The following ARFIP2 variants were observed in gnomAD, a reference collection of about 807,000 sequenced individuals.
ARFIP2 encodes arfaptin-2.
ARFIP2 carries 14 observed loss-of-function variants against 39.2 expected under a neutral mutation model. The ratio of observed to expected loss-of-function variants is 0.36; its 90% CI spans 0.24 to 0.56. The LOEUF (loss-of-function observed/expected upper bound fraction) is 0.56, where lower values mean the gene tolerates loss of function less well. Ranked by LOEUF, ARFIP2 falls within the 20% of genes least tolerant of loss-of-function variation. The pLI is 0.85. For missense variants in ARFIP2, 305 were observed against 422.5 expected (o/e 0.72, Z 2.44); for synonymous variants, 167 against 172.4 (o/e 0.97, Z 0.24).
Position 6,477,212 on chromosome 11 carries a change from A to G in ARFIP2, c.927T>C (p.Phe309=). 6.2e-7 allele frequency: 1 copy of G among 1,613,640 alleles called. No homozygotes were observed. The highest frequency in any genetic ancestry group is 8.5e-7 in the Non-Finnish European group (1 of 1,179,830). Reference sequence around the variant, plus strand: ...GCTCCAGCTGTTTCTGGTTCCCAGCAAAGTAGGCGGACACAGCATTGTGGA... The same window carrying G: ...GCTCCAGCTGTTTCTGGTTCCCAGCGAAGTAGGCGGACACAGCATTGTGGA... ...LLFHNAVSAY[F]AGNQKQLEQT... The change falls in exon 8 of 8, where the codon TTT becomes TTC. Residue 309 remains phenylalanine (F), a synonymous_variant. Coordinates refer to ENST00000396777, the MANE Select transcript of ARFIP2 (RefSeq NM_001376558.2). The surrounding 1 kb of genome is among the most constrained non-coding windows in gnomAD (Gnocchi z 4.8).
intron 1 of ARFIP2, 79 bp from the exon 2 acceptor site, chr11:6,480,542 G>C (rs1403620024): frequency 1.4e-6 from 1 of 720,430 alleles, no homozygotes; most frequent in African/African-American, 1.8e-5. Context: ...TTTCTTTAAA[G>C]GCTGTCCCAG....
rs1851166222 is a variant in ARFIP2 at position 6,477,193 on chromosome 11, G to T, written c.946C>A (p.Leu316Met). 1.2e-6 allele frequency: 2 copies of T among 1,613,074 alleles called. No homozygotes were observed. The highest frequency in any genetic ancestry group is 2.2e-5 in the South Asian group (2 of 90,730). ...SAYFAGNQKQ[L>M]EQTLQQFNIK... ...TTGAACTGCTGCAGGGTCTGCTCCA[G>T]CTGTTTCTGGTTCCCAGCAAAGTAG... The change falls in exon 8 of 8, where the codon CTG (leucine) becomes ATG (methionine). Residue 316 changes from leucine to methionine, a missense_variant. Physicochemically the swap from Leu to Met is conservative, Grantham distance 15 (BLOSUM62 2). Around this residue, in one of 3 missense-constraint regions of ARFIP2, gnomAD observed 112 missense variants for 118.2 expected, o/e 0.95. Coordinates refer to ENST00000396777, the MANE Select transcript of ARFIP2 (RefSeq NM_001376558.2). This position sits in a 1 kb window ranked among gnomAD's most constrained non-coding sequence, Gnocchi z 4.8.
chr11:6,479,998 C>G lies in ARFIP2; in HGVS notation c.170G>C (p.Gly57Ala). The G allele has an allele frequency of 6.2e-7, 1 of 1,614,144 alleles. No homozygotes were observed. The highest frequency in any genetic ancestry group is 1.3e-5 in the African/African-American group (1 of 75,020). The change falls in exon 3 of 8, where the codon GGC becomes GCC. Residue 57 changes from glycine (G) to alanine (A), a missense_variant. Gly to Ala is a moderately conservative substitution (Grantham distance 60, BLOSUM62 0). Coordinates refer to ENST00000396777, the MANE Select transcript of ARFIP2 (RefSeq NM_001376558.2). ...ETSIVSGGYG[G>A]SGDGLIPTGS... is the part of the protein sequence containing the mutation. ...TGTGGGGATGAGTCCATCACCAGAG[C>G]CCCCATAGCCACCAGACACAATGCT...
Position 6,478,287 on chromosome 11 carries a change from G to A in ARFIP2, c.538-89C>T, listed in dbSNP as rs1270134290. The A allele has an allele frequency of 1.3e-6, 2 of 1,492,510 alleles. No homozygotes were observed. The highest frequency in any genetic ancestry group is 1.2e-5 in the South Asian group (1 of 81,586). The allele number at this position is 1,492,510 out of a possible 1,614,324, so 92.5% of individuals were successfully genotyped here. ...CCTTCATTCCCCTCCTCCCCGGGGA[G>A]GACACAGCCAGCAAAACTGGAACAA... On this transcript the variant is annotated intron_variant, in intron 5 of 7. Coordinates refer to ENST00000396777, the MANE Select transcript of ARFIP2 (RefSeq NM_001376558.2). This position sits in a 1 kb window ranked among gnomAD's most constrained non-coding sequence, Gnocchi z 4.8.
rs1029444619 is a variant in ARFIP2, at chr11:6,476,741, G to T, written c.*372C>A. On this transcript the variant is annotated 3_prime_UTR_variant, in exon 8 of 8. Coordinates refer to ENST00000396777, the MANE Select transcript of ARFIP2 (RefSeq NM_001376558.2). ...GACGCAACATCATTGGCCCAGGGGA[G>T]TCCGAGAAGAGCTGCCATTGGCTGA... is the stretch of plus-strand genomic sequence containing the variant. 5 of 231,332 alleles carry T rather than the reference G, an allele frequency of 2.2e-5. No individual in the cohort carries two copies. In the South Asian group the frequency reaches 3.4e-4, roughly 16 times the overall value. The allele number at this position is 231,332 out of a possible 1,614,324, so 14.3% of individuals were successfully genotyped here.
rs1321398906 is a variant in ARFIP2 at position 6,478,554 on chromosome 11, C to A, written c.537+184G>T. On this transcript the variant is annotated intron_variant, in intron 5 of 7. Coordinates refer to ENST00000396777, the MANE Select transcript of ARFIP2 (RefSeq NM_001376558.2). This position sits in a 1 kb window ranked among gnomAD's most constrained non-coding sequence, Gnocchi z 4.8. ...TAGTGTGCCCCCTCCCCCACCCCCT[C>A]CAACTTCTGGACCTCTGTACAAACC... The A allele has an allele frequency of 7.0e-7, 1 of 1,434,636 alleles. No individual in the cohort carries two copies. The highest frequency in any genetic ancestry group is 9.1e-7 in the Non-Finnish European group (1 of 1,097,986). 88.9% of individuals were successfully genotyped at this position (1,434,636 alleles called of 1,614,324 possible). A position where few individuals can be genotyped will look rare whatever the true frequency, so the allele number is the denominator to read the frequency against.
In ARFIP2 at chr11:6,477,906, G is replaced by A. The variant is rs752902936; in HGVS notation, c.696-14C>T. The A allele has an allele frequency of 1.3e-5, 21 of 1,613,050 alleles. No homozygotes were observed. The highest frequency in any genetic ancestry group is 1.6e-5 in the Non-Finnish European group (19 of 1,179,454). On this transcript the variant is annotated splice_polypyrimidine_tract_variant and intron_variant, in intron 6 of 7. Coordinates refer to ENST00000396777, the MANE Select transcript of ARFIP2 (RefSeq NM_001376558.2). The surrounding 1 kb of genome is among the most constrained non-coding windows in gnomAD (Gnocchi z 4.8). ...TCATATTCCAGCCTGGGGAGGGGGT[G>A]ATAAAGGCTGGTCTCCACTCCTTTA...
Position 6,479,125 on chromosome 11 carries a change from G to C in ARFIP2, c.315+15C>G. 6.2e-7 allele frequency: 1 copy of C among 1,612,326 alleles called. No individual in the cohort carries two copies. The highest frequency in any genetic ancestry group is 8.5e-7 in the Non-Finnish European group (1 of 1,178,534). On this transcript the variant is annotated intron_variant, in intron 4 of 7. Coordinates refer to ENST00000396777, the MANE Select transcript of ARFIP2 (RefSeq NM_001376558.2). ...ATAAGGAGTTTTGGGGAAGGGAGAG[G>C]TGCTTAAATCCTACCTTATAGGTGT...
intron 3 of ARFIP2, chr11:6,479,500 G>T: frequency 3.0e-6 from 2 of 663,226 alleles, no homozygotes; most frequent in South Asian, 3.9e-5. Context: ...TGGTGTACAG[G>T]GGCAGAGGAA....
intron 2 of ARFIP2, 121 bp downstream of exon 2, chr11:6,480,202 G>A (rs148577248): frequency 2.6e-5 from 33 of 1,274,180 alleles, no homozygotes; most frequent in South Asian, 1.5e-4. Flanking sequence ...AAAATGATAC[G>A]TAAAAAGAAT....
At position 6,480,432 on chromosome 11, in the gene ARFIP2, GGTATTGGA is replaced by G. The variant is rs1564985577; in HGVS notation, c.-19_-12del. On this transcript the variant is annotated 5_prime_UTR_variant, in exon 2 of 8. Transcript: ENST00000396777. ...GATCCCGTCCGTCATGGCTAGGAAA[GGTATTGGA>G]GTAAAACTCTCCACCCCAGCACCCT... 8 of 1,602,808 alleles carry G rather than the reference GGTATTGGA, an allele frequency of 5.0e-6. No individual in the cohort carries two copies. The highest frequency in any genetic ancestry group is 6.8e-6 in the Non-Finnish European group (8 of 1,174,648).
intron 2 of ARFIP2, 110 bp from the exon 3 acceptor site, chr11:6,480,178 G>C: frequency 7.8e-7 from 1 of 1,282,420 alleles, no homozygotes; most frequent in Non-Finnish European, 1.1e-6. Flanking sequence ...CACAAGGGAA[G>C]TCTGCACAGA....
At chr11:6,480,659 T>C (rs867641945) in intron 1 of ARFIP2, 196 bp from the exon 2 acceptor site, 4 of 455,038 alleles carry the variant, frequency 8.8e-6, no homozygotes, top group East Asian at 4.0e-5. Context: ...CGGTGTCTTC[T>C]CACAAGCCCC....
In ARFIP2 at chr11:6,477,180, A is replaced by G. The variant is rs1851164223; in HGVS notation, c.959T>C (p.Leu320Pro). The change falls in exon 8 of 8, where the codon CTG becomes CCG. Residue 320 changes from leucine (L) to proline (P), a missense_variant. Physicochemically the swap from Leu to Pro is moderately conservative, Grantham distance 98. Around this residue, in one of 3 missense-constraint regions of ARFIP2, gnomAD observed 112 missense variants for 118.2 expected, o/e 0.95. Coordinates refer to ENST00000396777, the MANE Select transcript of ARFIP2 (RefSeq NM_001376558.2). The surrounding 1 kb of genome is among the most constrained non-coding windows in gnomAD (Gnocchi z 4.8). ...CCGCAGCTTGATGTTGAACTGCTGC[A>G]GGGTCTGCTCCAGCTGTTTCTGGTT... ...AGNQKQLEQTLQQFNIKLRPP... is the reference protein window; with the variant it reads ...AGNQKQLEQTPQQFNIKLRPP... 1 of 1,612,688 alleles carries G rather than the reference A, an allele frequency of 6.2e-7. No individual in the cohort carries two copies.
rs1195211445 is a variant in ARFIP2 at position 6,478,725 on chromosome 11, C to T, written c.537+13G>A. ...GCCCAGTTCCCCCACCCTCTTTGGT[C>T]TGGGTGAGGCACCTGAAGCTCTGGG... On this transcript the variant is annotated intron_variant, in intron 5 of 7. Coordinates refer to ENST00000396777, the MANE Select transcript of ARFIP2 (RefSeq NM_001376558.2). This position sits in a 1 kb window ranked among gnomAD's most constrained non-coding sequence, Gnocchi z 4.8. 6.2e-7 allele frequency: 1 copy of T among 1,604,706 alleles called. No individual in the cohort carries two copies. The highest frequency in any genetic ancestry group is 8.5e-7 in the Non-Finnish European group (1 of 1,172,786).
intron 3 of ARFIP2, 69 bp downstream of exon 3, chr11:6,479,903 A>G: frequency 1.4e-6 from 2 of 1,452,944 alleles, no homozygotes; most frequent in Non-Finnish European, 1.9e-6. Context: ...TCCTAGACAT[A>G]TCCTATGCTT....
In ARFIP2 at chr11:6,477,934, CT is replaced by C. The variant is rs764469439; in HGVS notation, c.696-43del. 6.2e-7 allele frequency: 1 copy of C among 1,609,966 alleles called. No homozygotes were observed. The highest frequency in any genetic ancestry group is 8.5e-7 in the Non-Finnish European group (1 of 1,177,214). On this transcript the variant is annotated intron_variant, in intron 6 of 7. Coordinates refer to ENST00000396777, the MANE Select transcript of ARFIP2 (RefSeq NM_001376558.2). The surrounding 1 kb of genome is among the most constrained non-coding windows in gnomAD (Gnocchi z 4.8). ...AAAGGCTGGTCTCCACTCCTTTATC[CT>C]CAACACATACTCTCCTTTCCTTCCT... is the stretch of plus-strand genomic sequence containing the variant.
chr11:6,480,108 G>A lies in ARFIP2; in HGVS notation c.100-40C>T, dbSNP rs564176689. On this transcript the variant is annotated intron_variant, in intron 2 of 7. Coordinates refer to ENST00000396777, the MANE Select transcript of ARFIP2 (RefSeq NM_001376558.2). ...AGAGGGGTTGCTTCAGGAACATAGGGGCTGCAGAAGCATTTTGGAGGTGGG... is the reference window on the plus strand; with the variant it reads ...AGAGGGGTTGCTTCAGGAACATAGGAGCTGCAGAAGCATTTTGGAGGTGGG... 2.0e-5 allele frequency: 31 copies of A among 1,560,340 alleles called. 1 individual carries two copies. Among genetic ancestry groups the A allele is most frequent in the Non-Finnish European group, 2.6e-5 (30 of 1,136,946 alleles).
intron 1 of ARFIP2, 97 bp from the exon 2 acceptor site, chr11:6,480,560 G>A: frequency 1.6e-6 from 1 of 636,096 alleles, no homozygotes; most frequent in South Asian, 2.1e-5. Flanking sequence ...CAGGGTTTGA[G>A]TGTCCCAGCG....
Sources: gnomAD v4.1 joint callset for allele counts on GRCh38, gnomAD v4.1.1 for gene constraint, gnomAD v4.1.1 regional missense constraint, Gnocchi (gnomAD v3.1) non-coding constraint, MANE v1.5 for transcripts, NCBI Gene and HGNC (gene_info 2026-07-23, HGNC 2026-07-21) for gene names.